The following SLC35F3 variants were observed in gnomAD, a reference collection of about 807,000 sequenced individuals.
SLC35F3 encodes the protein solute carrier family 35 member F3.
In SLC35F3, 25 loss-of-function variants were observed where a neutral mutation model predicts 49.9. The observed-to-expected ratio is 0.50, with a 90% CI of 0.37 to 0.70. The LOEUF (loss-of-function observed/expected upper bound fraction) is 0.70, where lower values mean the gene tolerates loss of function less well. SLC35F3 is among the 30% of genes least tolerant of loss of function. The pLI is 0.00. For synonymous variants in SLC35F3, 275 were observed against 265.4 expected, an observed-to-expected ratio of 1.04 and a Z score of -0.35; for missense variants, 525 against 639.8, an observed-to-expected ratio of 0.82 and a Z score of 1.94.
At chr1:234,298,210 G>T (rs1039464156) in intron 3 of SLC35F3, among the ~76,000 whole-genome samples, 3 of 152,152 alleles carry the variant, frequency 2.0e-5, no homozygotes, top group African/African-American at 7.2e-5. Flanking sequence ...AAAAAGAAAT[G>T]AAGGATTAAG....
At chr1:234,197,402 A>G (rs1666829515) in intron 2 of SLC35F3, among the ~76,000 whole-genome samples, 1 of 152,184 alleles carries the variant, frequency 6.6e-6, no homozygotes, top group Admixed American at 6.5e-5. Context: ...GGCAAAGGTG[A>G]GGGCTAGTGG....
intron 2 of SLC35F3, among the ~76,000 whole-genome samples, chr1:233,969,995 C>T (rs1443783995): frequency 2.0e-5 from 3 of 152,242 alleles, no homozygotes; most frequent in Admixed American, 1.3e-4. Flanking sequence ...CTGCTCCTGC[C>T]TCATCGGATG....
At chr1:234,227,586 G>A (rs562053537) in intron 2 of SLC35F3, among the ~76,000 whole-genome samples, 7 of 151,990 alleles carry the variant, frequency 4.6e-5, no homozygotes, top group Non-Finnish European at 1.0e-4. Flanking sequence ...TTTTAGGAGA[G>A]ACGGGGTTTC....
At chr1:234,196,923 C>T (rs1175477423) in intron 2 of SLC35F3, among the ~76,000 whole-genome samples, 1 of 151,956 alleles carries the variant, frequency 6.6e-6, no homozygotes, top group African/African-American at 2.4e-5. Context: ...GCCTGGGCAA[C>T]ATAGCAAGAC....
intron 2 of SLC35F3, among the ~76,000 whole-genome samples, chr1:233,919,163 C>T (rs774282431): frequency 1.2e-4 from 18 of 152,132 alleles, no homozygotes; most frequent in Non-Finnish European, 1.9e-4. Flanking sequence ...AAATACTATG[C>T]CTATTTACTT....
At chr1:233,907,202 A>T (rs1171703105) in intron 2 of SLC35F3, among the ~76,000 whole-genome samples, 2 of 152,230 alleles carry the variant, frequency 1.3e-5, no homozygotes, top group African/African-American at 4.8e-5. Flanking sequence ...ATAACAAAAG[A>T]CAGTGGTATA....
intron 2 of SLC35F3, among the ~76,000 whole-genome samples, chr1:234,115,323 G>T (rs1471335562): frequency 6.6e-6 from 1 of 152,124 alleles, no homozygotes; most frequent in Admixed American, 6.5e-5. Context: ...GTGGACTTGT[G>T]GTGCTTTGGA....
chr1:234,038,884 G>T (rs915577483), intron 2 of SLC35F3, among the ~76,000 whole-genome samples: 6 of 152,186 alleles, frequency 3.9e-5, no homozygotes, highest in Non-Finnish European at 8.8e-5. Flanking sequence ...GCATATGAAA[G>T]ACCAGCCTAG....
intron 2 of SLC35F3, among the ~76,000 whole-genome samples, chr1:234,045,424 T>C (rs1181807675): frequency 6.6e-6 from 1 of 152,196 alleles, no homozygotes; most frequent in African/African-American, 2.4e-5. Context: ...CATTTAATGT[T>C]CACAGTGGTG....
chr1:234,146,348 C>G (rs1158003487), intron 2 of SLC35F3, among the ~76,000 whole-genome samples: 2 of 151,992 alleles, frequency 1.3e-5, no homozygotes, highest in Non-Finnish European at 2.9e-5. Context: ...TCCCTTCAGT[C>G]TCTCCTATCC....
Position 234,053,225 on chromosome 1 carries a change from G to A in SLC35F3, c.283+147467G>A, listed in dbSNP as rs369255567. Among the ~76,000 whole-genome samples the A allele has an allele frequency of 5.9e-5, 9 of 152,288 alleles. No homozygotes were observed. The South Asian group carries it at 1.4e-3, about 25-fold the overall frequency. ...TTTCTGTCTCGTTGATCTGTCTAAT[G>A]TTGACAGTGGGGTGTTAAAGTCTCC... On this transcript the variant is annotated intron_variant, in intron 2 of 7. Coordinates refer to ENST00000366618, the MANE Select transcript of SLC35F3 (RefSeq NM_173508.4).
intron 2 of SLC35F3, among the ~76,000 whole-genome samples, chr1:233,981,458 C>T (rs1458060208): frequency 6.6e-6 from 1 of 152,120 alleles, no homozygotes; most frequent in Non-Finnish European, 1.5e-5. Context: ...AGCAGAAGGT[C>T]CTGGAGATTC....
At chr1:234,195,107 C>T (rs1191263952) in intron 2 of SLC35F3, among the ~76,000 whole-genome samples, 6 of 152,168 alleles carry the variant, frequency 3.9e-5, no homozygotes, top group South Asian at 2.1e-4. Flanking sequence ...CAGTTGCACC[C>T]GGGAAGCAAA....
At chr1:233,964,884 A>G (rs1662876431) in intron 2 of SLC35F3, among the ~76,000 whole-genome samples, 1 of 152,194 alleles carries the variant, frequency 6.6e-6, no homozygotes, top group Non-Finnish European at 1.5e-5. Flanking sequence ...AGGGGACCAC[A>G]CTAACATCAG....
intron 2 of SLC35F3, among the ~76,000 whole-genome samples, chr1:234,121,526 A>G (rs1665573297): frequency 6.6e-6 from 1 of 152,312 alleles, no homozygotes; most frequent in South Asian, 2.1e-4. Flanking sequence ...GCTGAATAGT[A>G]ATGAAAAGCA....
chr1:234,230,038 C>G (rs1052865096), intron 2 of SLC35F3, among the ~76,000 whole-genome samples: 1 of 152,176 alleles, frequency 6.6e-6, no homozygotes, highest in African/African-American at 2.4e-5. Flanking sequence ...AGGGGCTTTT[C>G]AACTTGGATA....
At chr1:234,195,252 A>G (rs1666789741) in intron 2 of SLC35F3, among the ~76,000 whole-genome samples, 1 of 152,098 alleles carries the variant, frequency 6.6e-6, no homozygotes, top group African/African-American at 2.4e-5. Context: ...AAATCAGACC[A>G]TCCCAGCCTC....
chr1:234,148,580 G>A (rs1666029077), intron 2 of SLC35F3, among the ~76,000 whole-genome samples: 1 of 152,152 alleles, frequency 6.6e-6, no homozygotes, highest in South Asian at 2.1e-4. Context: ...GGATGGGAGG[G>A]AATTTTTACA....
At chr1:234,183,867 A>AT (rs1448817072) in intron 2 of SLC35F3, among the ~76,000 whole-genome samples, 1 of 142,668 alleles carries the variant, frequency 7.0e-6, no homozygotes, top group East Asian at 9.3e-4. Context: ...CCATTCATTC[A>AT]TTTTTTGTTT....
Sources: allele counts gnomAD v4.1 joint callset (sites outside exome capture counted in the v4.1 genomes callset), GRCh38; gene constraint gnomAD v4.1.1; transcripts MANE v1.5; gene names NCBI Gene and HGNC (gene_info 2026-07-23, HGNC 2026-07-21).